The following TCIRG1 variants were observed in gnomAD, a reference collection of about 807,000 sequenced individuals.
TCIRG1 encodes the protein T cell immune regulator 1, ATPase H+ transporting V0 subunit a3.
Under a neutral mutation model 95.5 loss-of-function variants are expected in TCIRG1, and 86 were observed. That is an observed-to-expected ratio of 0.90 (90% confidence interval 0.76 to 1.08). TCIRG1 has a LOEUF of 1.08. Ranked by LOEUF, TCIRG1 falls within the 50% of genes least tolerant of loss-of-function variation. The pLI, the probability that TCIRG1 is intolerant of heterozygous loss-of-function variation, is 0.00. For synonymous variants in TCIRG1, 499 were observed against 501.3 expected (o/e 1.00, Z 0.06); for missense variants, 1,069 against 1,140.2 (o/e 0.94, Z 0.90).
downstream of TCIRG1, chr11:68,053,440 C>A (rs896997425): frequency 9.1e-5 from 14 of 153,062 alleles, no homozygotes; most frequent in African/African-American, 3.4e-4. Flanking sequence ...AGCCATGGGA[C>A]CAAGAGGGTA....
Position 68,047,778 on chromosome 11 carries a change from C to T in TCIRG1, c.1437C>T (p.Ala479=), listed in dbSNP as rs201800548. The change falls in exon 12 of 20, where the codon GCC becomes GCT. Residue 479 remains alanine, a synonymous_variant. Transcript: ENST00000265686. ...TCTTCCCCTCGGGCTGGAGTGTGGC[C>T]GCCATGGCCAACCAGTCTGGCTGGA... ...TSIFPSGWSV[A]AMANQSGWSD... 85 of 1,612,982 alleles carry T rather than the reference C, an allele frequency of 5.3e-5. No homozygotes were observed. Among genetic ancestry groups the T allele is most frequent in the Admixed American group, 2.2e-4 (13 of 60,008 alleles).
chr11:68,042,998 C>T lies in TCIRG1; in HGVS notation c.470C>T (p.Ala157Val), dbSNP rs778942094. 6.4e-7 allele frequency: 1 copy of T among 1,552,974 alleles called. No individual in the cohort carries two copies. Among genetic ancestry groups the T allele is most frequent in the Non-Finnish European group, 8.7e-7 (1 of 1,148,402 alleles). Residue 157 changes from alanine to valine, a missense_variant, in exon 5 of 20, where the codon GCC becomes GTC. Transcript: ENST00000265686. ...GASERTPLLQ[A>V]PGGPHQDLRV... ...TCAGAGAGGACGCCCCTGCTCCAGG[C>T]CCCCGGGGGGCCGCACCAGGACCTG...
At chr11:68,051,137 G>C (rs905760709), downstream of TCIRG1, among the ~76,000 whole-genome samples, 14 of 152,228 alleles carry the variant, frequency 9.2e-5, no homozygotes, top group Non-Finnish European at 2.1e-4. Context: ...CCCATCCTTG[G>C]AGGTGTGCAC....
intron 1 of TCIRG1, among the ~76,000 whole-genome samples, chr11:68,040,790 C>T (rs868111520): frequency 6.6e-5 from 10 of 152,216 alleles, no homozygotes; most frequent in Non-Finnish European, 1.5e-4. Context: ...CCCTGGCTAG[C>T]CCCAGGGTAC....
Position 68,043,036 on chromosome 11 carries a change from G to A in TCIRG1, c.503+5G>A, listed in dbSNP as rs1855256745. On this transcript the variant is annotated splice_donor_5th_base_variant and intron_variant, in intron 5 of 19. Transcript: ENST00000265686. ...GCACCAGGACCTGAGGGTCAAGTGAGTGAGGGATGACCTCATGCCCTTTCT... is the reference window on the plus strand; with the variant it reads ...GCACCAGGACCTGAGGGTCAAGTGAATGAGGGATGACCTCATGCCCTTTCT... 4 of 1,550,014 alleles carry A rather than the reference G, an allele frequency of 2.6e-6. No homozygotes were observed. Among genetic ancestry groups the A allele is most frequent in the Admixed American group, 2.0e-5 (1 of 51,142 alleles).
Position 68,042,643 on chromosome 11 carries a change from C to A in TCIRG1, c.197C>A (p.Thr66Asn), listed in dbSNP as rs886048593. 7.1e-6 allele frequency: 11 copies of A among 1,547,248 alleles called. No individual in the cohort carries two copies. The highest frequency in any genetic ancestry group is 9.6e-6 in the Non-Finnish European group (11 of 1,146,310). The change falls in exon 4 of 20, where the codon ACC becomes AAC. Residue 66 changes from threonine to asparagine, a missense_variant and splice_region_variant. By Grantham distance (65) the Thr-to-Asn change is moderately conservative. Coordinates refer to ENST00000265686, the MANE Select transcript of TCIRG1 (RefSeq NM_006019.4). ...RRCEELEKTF[T>N]FLQEEVRRAG... ...CCCACTCCCGTTCCTCTGCGCCCAG[C>A]CTTCCTGCAGGAGGAGGTGCGGCGG...
chr11:68,046,514 G>A (rs1293008753), intron 10 of TCIRG1, among the ~76,000 whole-genome samples: 1 of 152,110 alleles, frequency 6.6e-6, no homozygotes, highest in Admixed American at 6.5e-5. Context: ...AGGACATCGG[G>A]CACACTGGAT....
In TCIRG1 at chr11:68,041,776, C is replaced by G; in HGVS notation, c.141C>G (p.Phe47Leu). Reference sequence around the variant, plus strand: ...AGCTCAACGCCTCGGTGAGCGCCTTCCAGAGACGCTTTGTGGTTGATGTTC... The same window carrying G: ...AGCTCAACGCCTCGGTGAGCGCCTTGCAGAGACGCTTTGTGGTTGATGTTC... ...FRDLNASVSA[F>L]QRRFVVDVRR... Residue 47 changes from phenylalanine to leucine, a missense_variant, in exon 3 of 20, where the codon TTC becomes TTG. By Grantham distance (22) the Phe-to-Leu change is conservative. Transcript: ENST00000265686. 6.2e-7 allele frequency: 1 copy of G among 1,610,438 alleles called. No homozygotes were observed. Among genetic ancestry groups the G allele is most frequent in the South Asian group, 1.1e-5 (1 of 90,240 alleles).
chr11:68,052,048 C>T (rs145475293), downstream of TCIRG1: 1,373 of 152,730 alleles, frequency 9.0e-3, 12 homozygotes, highest in Admixed American at 0.023. Context: ...GGGGTGGGCA[C>T]CTCTGGGGCA....
At chr11:68,045,199 G>A in intron 10 of TCIRG1, 97 bp downstream of exon 10, 3 of 1,490,298 alleles carry the variant, frequency 2.0e-6, no homozygotes, top group Non-Finnish European at 2.8e-6. Flanking sequence ...TCCTGGGCCT[G>A]GCCTGCCCTC....
At chr11:68,047,399 C>A in intron 10 of TCIRG1, 34 bp from the exon 11 acceptor site, 3 of 1,612,398 alleles carry the variant, frequency 1.9e-6, no homozygotes, top group Non-Finnish European at 2.5e-6. Flanking sequence ...CTGGTGTGTT[C>A]GGGGGTTCCC....
intron 15 of TCIRG1, 114 bp from the exon 16 acceptor site, chr11:68,049,549 G>A (rs1274343781): frequency 3.5e-6 from 5 of 1,429,572 alleles, no homozygotes; most frequent in Non-Finnish European, 4.8e-6. Flanking sequence ...GCCCCCGGGG[G>A]CCCTGGAGGG....
At position 68,047,258 on chromosome 11, in the gene TCIRG1, C is replaced by CT. The variant is rs1590812012; in HGVS notation, c.1166-175_1166-174insT. Among the ~76,000 whole-genome samples, 2 of 99,304 alleles carry CT rather than the reference C, an allele frequency of 2.0e-5. 1 individual carries two copies. The highest frequency in any genetic ancestry group is 8.1e-5 in the African/African-American group (2 of 24,656). 65.1% of individuals were successfully genotyped at this position (99,304 alleles called of 152,430 possible). Reference sequence around the variant, plus strand: ...ACTCCTGACCTCGGGTGATGCCCCCCCCCCCCCCCGTCTCGGCCTCCCAGA... The same window carrying CT: ...ACTCCTGACCTCGGGTGATGCCCCCCTCCCCCCCCCGTCTCGGCCTCCCAGA... On this transcript the variant is annotated intron_variant, in intron 10 of 19. Coordinates refer to ENST00000265686, the MANE Select transcript of TCIRG1 (RefSeq NM_006019.4).
At chr11:68,046,753 C>T (rs1022454115) in intron 10 of TCIRG1, among the ~76,000 whole-genome samples, 8 of 152,188 alleles carry the variant, frequency 5.3e-5, no homozygotes, top group Non-Finnish European at 7.3e-5. Context: ...GTGACCAGCT[C>T]GGCCTCCCGG....
At chr11:68,041,489 C>A in intron 2 of TCIRG1, 101 bp downstream of exon 2, 1 of 942,130 alleles carries the variant, frequency 1.1e-6, no homozygotes, top group Non-Finnish European at 1.7e-6. Context: ...AGGGCCCTGG[C>A]CCCATTTGAA....
rs1387246190 is a variant in TCIRG1, at chr11:68,042,783, G to A, written c.337G>A (p.Gly113Ser). 1.3e-6 allele frequency: 2 copies of A among 1,548,112 alleles called. No homozygotes were observed. Among genetic ancestry groups the A allele is most frequent in the Admixed American group, 2.0e-5 (1 of 50,964 alleles). ...GGCCCAGGAGCTGCGGGATGTGCGG[G>A]GCAACCAGCAGGCCCTGCGGGCCCA... ...RLAQELRDVR[G>S]NQQALRAQLH... Residue 113 changes from glycine to serine, a missense_variant, in exon 4 of 20, where the codon GGC becomes AGC. Physicochemically the swap from Gly to Ser is moderately conservative, Grantham distance 56 (BLOSUM62 0). Coordinates refer to ENST00000265686, the MANE Select transcript of TCIRG1 (RefSeq NM_006019.4).
Position 68,050,666 on chromosome 11 carries a change from T to C in TCIRG1, c.2414+2T>C. 3 of 1,613,458 alleles carry C rather than the reference T, an allele frequency of 1.9e-6. No individual in the cohort carries two copies. Among genetic ancestry groups the C allele is most frequent in the East Asian group, 2.2e-5 (1 of 44,860 alleles). ...CCTGCACGCCCTGCGGCTGCACTGG[T>C]GAGCGACCACCCACTGGCCTGGGCT... On this transcript the variant is annotated splice_donor_variant, in intron 19 of 19. Transcript: ENST00000265686. LOFTEE classifies it high-confidence loss of function.
At chr11:68,049,827 G>C in intron 16 of TCIRG1, 39 bp downstream of exon 16, 2 of 1,558,242 alleles carry the variant, frequency 1.3e-6, no homozygotes, top group Non-Finnish European at 1.7e-6. Flanking sequence ...CTGCTTGCGG[G>C]GAGAGGCCAC....
Position 68,041,810 on chromosome 11 carries a change from G to C in TCIRG1, c.175G>C (p.Glu59Gln). ...CTTTGTGGTTGATGTTCGGCGCTGT[G>C]AGGAGCTGGAGAAGACCTTCAGTGA... Reference protein sequence around the residue: ...RRFVVDVRRCEELEKTFTFLQ... With the variant: ...RRFVVDVRRCQELEKTFTFLQ... The change falls in exon 3 of 20, where the codon GAG becomes CAG. Residue 59 changes from glutamate to glutamine, a missense_variant. Coordinates refer to ENST00000265686, the MANE Select transcript of TCIRG1 (RefSeq NM_006019.4). The C allele has an allele frequency of 1.9e-6, 3 of 1,608,996 alleles. No individual in the cohort carries two copies. Among genetic ancestry groups the C allele is most frequent in the Non-Finnish European group, 2.5e-6 (3 of 1,177,756 alleles).
Sources: allele counts gnomAD v4.1 joint callset (sites outside exome capture counted in the v4.1 genomes callset), GRCh38; gene constraint gnomAD v4.1.1; transcripts MANE v1.5; gene names NCBI Gene and HGNC (gene_info 2026-07-23, HGNC 2026-07-21).